The following FBXL13 variants were observed in gnomAD, a reference collection of about 807,000 sequenced individuals.
FBXL13 encodes the protein F-box and leucine rich repeat protein 13, also known as F-box and leucine-rich repeat protein 13.
FBXL13 carries 67 observed loss-of-function variants against 83.6 expected under a neutral mutation model. The ratio of observed to expected loss-of-function variants is 0.80; its 90% CI spans 0.66 to 0.98. FBXL13 has a LOEUF of 0.98. Ranked by LOEUF, FBXL13 falls within the 50% of genes least tolerant of loss-of-function variation. The pLI is 0.00. For missense variants in FBXL13, 822 were observed against 866.5 expected, an observed-to-expected ratio of 0.95 and a Z score of 0.64; for synonymous variants, 272 against 299.5, an observed-to-expected ratio of 0.91 and a Z score of 0.95.
At chr7:102,960,703 C>A (rs1825055391) in intron 8 of FBXL13, among the ~76,000 whole-genome samples, 2 of 151,786 alleles carry the variant, frequency 1.3e-5, no homozygotes, top group Admixed American at 1.3e-4. Flanking sequence ...TAAATGTAAT[C>A]CAGCATATAA....
intron 2 of FBXL13, 33 bp from the exon 4 acceptor site, chr7:103,029,451 T>G (rs758019948): frequency 1.0e-5 from 13 of 1,248,862 alleles, no homozygotes; most frequent in Non-Finnish European, 1.4e-5. Flanking sequence ...ATAACAAATA[T>G]TAGAAATAAA....
In FBXL13 at chr7:102,848,370, C is replaced by A. The variant is rs868557317; in HGVS notation, c.1719+6407G>T. 4.1e-3 allele frequency among the ~76,000 whole-genome samples: 220 copies of A among 53,990 alleles called. 24 individuals are homozygous for A. The highest frequency in any genetic ancestry group is 8.5e-3 in the Middle Eastern group (1 of 118). 35.4% of individuals were successfully genotyped at this position (53,990 alleles called of 152,430 possible). On this transcript the variant is annotated intron_variant, in intron 17 of 19. Coordinates refer to ENST00000313221, the Ensembl canonical transcript of FBXL13. Reference sequence around the variant, plus strand: ...AGGAGATCGAGACCATCCTGGCTAACACGGTGAAACCCCGTCTCTACTAAA... The same window carrying A: ...AGGAGATCGAGACCATCCTGGCTAAAACGGTGAAACCCCGTCTCTACTAAA...
At chr7:102,852,479 A>T (rs1378707771) in intron 17 of FBXL13, among the ~76,000 whole-genome samples, 1 of 152,208 alleles carries the variant, frequency 6.6e-6, no homozygotes, top group Non-Finnish European at 1.5e-5. Flanking sequence ...GAACTCAAAC[A>T]AATTAGCAAG....
At chr7:102,939,453 A>G in intron 8 of FBXL13, 1 of 1,608,916 alleles carries the variant, frequency 6.2e-7, no homozygotes, top group Non-Finnish European at 8.5e-7. Context: ...GCCAAACAAC[A>G]TCCCTCCAGA....
At position 102,934,836 on chromosome 7, in the gene FBXL13, T is replaced by A. The variant is rs956512735; in HGVS notation, c.725-2903A>T. On this transcript the variant is annotated intron_variant, in intron 8 of 19. Transcript: ENST00000313221. ...TATTGACAATGGAATTTACCACAAGTTTTTCTGGGGTCCAGACTCAAGGCA... is the reference window on the plus strand; with the variant it reads ...TATTGACAATGGAATTTACCACAAGATTTTCTGGGGTCCAGACTCAAGGCA... 8 of 756,942 alleles carry A rather than the reference T, an allele frequency of 1.1e-5. No homozygotes were observed. The African/African-American group carries it at 1.1e-4, about 10-fold the overall frequency. 46.9% of individuals were successfully genotyped at this position (756,942 alleles called of 1,614,324 possible).
intron 6 of FBXL13, among the ~76,000 whole-genome samples, chr7:102,994,829 A>T (rs187765260): frequency 1.1e-4 from 17 of 152,246 alleles, no homozygotes; most frequent in Non-Finnish European, 1.8e-4. Flanking sequence ...GTGGACAGAA[A>T]CTGTTAGCTA....
rs542891335 is a variant in FBXL13, at chr7:102,958,386, G to C, written c.724+5147C>G. On this transcript the variant is annotated intron_variant, in intron 8 of 19. Coordinates refer to ENST00000313221, the Ensembl canonical transcript of FBXL13. Reference sequence around the variant, plus strand: ...GAACATCACACAGTGGGGTCTGTTGGGGGTGGTGGACTGGGGGAGGGATAG... The same window carrying C: ...GAACATCACACAGTGGGGTCTGTTGCGGGTGGTGGACTGGGGGAGGGATAG... 5.9e-5 allele frequency among the ~76,000 whole-genome samples: 9 copies of C among 151,962 alleles called. 1 individual carries two copies. The highest frequency in any genetic ancestry group is 2.0e-4 in the Admixed American group (3 of 15,240).
At chr7:102,854,952 A>C in intron 16 of FBXL13, 92 bp from the exon 18 acceptor site, 1 of 664,636 alleles carries the variant, frequency 1.5e-6, no homozygotes, top group Non-Finnish European at 2.4e-6. Context: ...TGACAACATA[A>C]AAAACCATTT....
chr7:103,023,816 C>A (rs1032705336), intron 6 of FBXL13, among the ~76,000 whole-genome samples: 2 of 152,078 alleles, frequency 1.3e-5, no homozygotes, highest in African/African-American at 4.8e-5. Flanking sequence ...AGATCATGTC[C>A]TTTGCAGCAA....
intron 14 of FBXL13, among the ~76,000 whole-genome samples, chr7:102,882,999 T>C (rs1471144640): frequency 1.3e-5 from 2 of 151,974 alleles, no homozygotes; most frequent in Non-Finnish European, 2.9e-5. Flanking sequence ...GAAAAGATCA[T>C]GTTAACTGAA....
chr7:102,926,424 C>T (rs1818149443), intron 9 of FBXL13, 50 bp from the exon 11 acceptor site: 1 of 1,399,946 alleles, frequency 7.1e-7, no homozygotes, highest in Non-Finnish European at 9.9e-7. Context: ...GCAGGCTTTG[C>T]AATTTCCCCA....
At chr7:102,812,653 T>C (rs550865677), downstream of FBXL13, among the ~76,000 whole-genome samples, 81 of 152,294 alleles carry the variant, frequency 5.3e-4, no homozygotes, top group Non-Finnish European at 3.2e-4. Context: ...GCTCAAACTC[T>C]TAGTTTGACA....
exon 1 of FBXL13, chr7:103,074,432 G>A: frequency 1.8e-6 from 2 of 1,102,866 alleles, no homozygotes; most frequent in Non-Finnish European, 2.3e-6. Context: ...TCCGATCTGG[G>A]CCTTGTGCTC....
chr7:102,911,500 A>G (rs847647), intron 11 of FBXL13, among the ~76,000 whole-genome samples: 38,289 of 151,036 alleles, frequency 0.25, 5,793 homozygotes, highest in East Asian at 0.58. Flanking sequence ...GGCCATTGGC[A>G]TTTGCTAATT....
chr7:102,813,366 G>A lies in FBXL13; in HGVS notation c.2184C>T (p.Tyr728=), dbSNP rs748859621. The A allele has an allele frequency of 4.3e-6, 7 of 1,613,570 alleles. No individual in the cohort carries two copies. The African/African-American group carries it at 6.7e-5, about 15-fold the overall frequency. Reference sequence around the variant, plus strand: ...GTCACGCTGCTTGGTCTTCACTGCTGTATGTTGACTTTTTCACTGTTAATT... The same window carrying A: ...GTCACGCTGCTTGGTCTTCACTGCTATATGTTGACTTTTTCACTGTTAATT... Residue 728 remains tyrosine (Y), a synonymous_variant, in exon 20 of 20, where the codon TAC becomes TAT. Coordinates refer to ENST00000313221, the Ensembl canonical transcript of FBXL13.
intron 6 of FBXL13, chr7:102,978,643 C>A: frequency 4.5e-6 from 1 of 224,714 alleles, no homozygotes; most frequent in Non-Finnish European, 9.0e-6. Flanking sequence ...CACCCAGGTA[C>A]TCATTAAAAC....
At chr7:102,832,435 G>T (rs777140557) in intron 18 of FBXL13, among the ~76,000 whole-genome samples, 1 of 152,164 alleles carries the variant, frequency 6.6e-6, no homozygotes, top group African/African-American at 2.4e-5. Flanking sequence ...GGTATAAACT[G>T]TAACCCCAAG....
At chr7:102,817,381 T>C (rs777142784) in intron 19 of FBXL13, among the ~76,000 whole-genome samples, 1 of 152,210 alleles carries the variant, frequency 6.6e-6, no homozygotes, top group Non-Finnish European at 1.5e-5. Flanking sequence ...TTTTTTCATA[T>C]TTTTGTTGGC....
At chr7:102,910,866 C>A (rs535054383) in intron 11 of FBXL13, among the ~76,000 whole-genome samples, 6 of 152,294 alleles carry the variant, frequency 3.9e-5, no homozygotes, top group African/African-American at 1.4e-4. Flanking sequence ...TCAGTCAATC[C>A]TCCCACCTCA....
Sources: allele counts gnomAD v4.1 joint callset (sites outside exome capture counted in the v4.1 genomes callset), GRCh38; gene constraint gnomAD v4.1.1; transcripts MANE v1.5; gene names NCBI Gene and HGNC (gene_info 2026-07-23, HGNC 2026-07-21).